The following CCDC187 variants were observed in gnomAD, a reference collection of about 807,000 sequenced individuals.
The protein encoded by CCDC187 is coiled-coil domain containing 187, also known as coiled-coil domain-containing protein 187.
In CCDC187, 32 loss-of-function variants were observed where a neutral mutation model predicts 38.0. The observed-to-expected ratio is 0.84, with a 90% CI of 0.64 to 1.13. CCDC187 has a LOEUF of 1.13. Ranked by LOEUF, CCDC187 falls within the 50% of genes most tolerant of loss-of-function variation. The probability of loss-of-function intolerance (pLI) is 0.00; values close to 1 mark genes in which losing one functional copy is unlikely to be tolerated. For synonymous variants in CCDC187, 333 were observed against 347.9 expected (o/e 0.96, Z 0.48); for missense variants, 707 against 786.8 (o/e 0.90, Z 1.21).
rs782223169 is a variant in CCDC187 at position 136,258,567 on chromosome 9, T to C, written c.4366+365A>G. 1.3e-5 allele frequency among the ~76,000 whole-genome samples: 2 copies of C among 151,838 alleles called. No individual in the cohort carries two copies. The highest frequency in any genetic ancestry group is 2.9e-5 in the Non-Finnish European group (2 of 67,974). On this transcript the variant is annotated intron_variant, in intron 22 of 25. Transcript: ENST00000638797. This position sits in a 1 kb window ranked among gnomAD's most constrained non-coding sequence, Gnocchi z 4.3. ...GGGGGGGCCCCGGCCAAGTGTAAGG[T>C]TCAGAAAGAGAAAAATGTAATCGGT...
Position 136,264,151 on chromosome 9 carries a change from C to G in CCDC187, c.3736-353G>C, listed in dbSNP as rs1266221819. On this transcript the variant is annotated intron_variant, in intron 17 of 25. Coordinates refer to ENST00000638797, the MANE Select transcript of CCDC187 (RefSeq NM_001378188.1). This position sits in a 1 kb window ranked among gnomAD's most constrained non-coding sequence, Gnocchi z 4.3. ...CTCCTTTACAACTGTTCTTTCTGTT[C>G]CCCACAGCGTCCCTGGTGGACGCAC... is the stretch of plus-strand genomic sequence containing the variant. 6.6e-6 allele frequency: 1 copy of G among 152,482 alleles called. No individual in the cohort carries two copies. Among genetic ancestry groups the G allele is most frequent in the Admixed American group, 6.5e-5 (1 of 15,292 alleles). 9.4% of individuals were successfully genotyped at this position (152,482 alleles called of 1,614,324 possible).
chr9:136,268,126 C>A lies in CCDC187; in HGVS notation c.3443-1G>T. 1.0e-6 allele frequency: 1 copy of A among 985,490 alleles called. No individual in the cohort carries two copies. The highest frequency in any genetic ancestry group is 4.7e-5 in the South Asian group (1 of 21,288). The allele number at this position is 985,490 out of a possible 1,614,324, so 61.0% of individuals were successfully genotyped here. On this transcript the variant is annotated splice_acceptor_variant, in intron 14 of 25. Transcript: ENST00000638797. LOFTEE classifies it high-confidence loss of function. ...AGGGCTCCGTCAGGGCCCTCCACCT[C>A]TGAGGAAGGAAGCGCCATGGTTGGG...
At chr9:136,277,840 G>A (rs1015161951) in intron 10 of CCDC187, among the ~76,000 whole-genome samples, 8 of 152,290 alleles carry the variant, frequency 5.3e-5, no homozygotes, top group Middle Eastern at 3.4e-3. Context: ...TGTATGGATG[G>A]AGCCAAGACC....
At chr9:136,291,927 C>A (rs2131310912) in intron 5 of CCDC187, among the ~76,000 whole-genome samples, 1 of 152,348 alleles carries the variant, frequency 6.6e-6, no homozygotes, top group Non-Finnish European at 1.5e-5. Context: ...GCCCCGGGAA[C>A]TGGCGATGGA....
rs1028554455 is a variant in CCDC187, at chr9:136,254,536, C to T, written c.5292G>A (p.Glu1764=). The T allele has an allele frequency of 8.1e-6, 8 of 985,496 alleles. No individual in the cohort carries two copies. The highest frequency in any genetic ancestry group is 8.4e-6 in the Non-Finnish European group (7 of 829,972). 61.0% of individuals were successfully genotyped at this position (985,496 alleles called of 1,614,324 possible). A position where few individuals can be genotyped will look rare whatever the true frequency, so the allele number is the denominator to read the frequency against. Residue 1764 remains glutamate, a synonymous_variant, in exon 26 of 26, where the codon GAG becomes GAA. Coordinates refer to ENST00000638797, the MANE Select transcript of CCDC187 (RefSeq NM_001378188.1). ...GTTCTGGCAGGTCCTCCTCGCAGTC[C>T]TCCTCCCAAACTTTGCTGGAGGCCT... ...LSEASSKVWE[E]DCEEDLPEPC... is the part of the protein sequence containing the mutation.
chr9:136,286,057 G>C (rs922975170), intron 8 of CCDC187, 28 bp downstream of exon 8: 3 of 398,116 alleles, frequency 7.5e-6, no homozygotes, highest in African/African-American at 6.2e-5. Context: ...GCCACCCAGC[G>C]GTCACCGTGT....
rs1831185433 is a variant in CCDC187, at chr9:136,286,514, C to G, written c.2404G>C (p.Asp802His). Residue 802 changes from aspartate (D) to histidine (H), a missense_variant, in exon 8 of 26, where the codon GAC (aspartate) becomes CAC (histidine). Coordinates refer to ENST00000638797, the MANE Select transcript of CCDC187 (RefSeq NM_001378188.1). ...YLPRGMCIYL[D>H]PKEAEHLGTS... The stretch of plus-strand genomic sequence containing the variant: ...CCCAGGTGCTCAGCCTCCTTTGGGT[C>G]CAGGTAGATGCACATCCCCCGGGGT... 2 of 398,766 alleles carry G rather than the reference C, an allele frequency of 5.0e-6. No individual in the cohort carries two copies. The highest frequency in any genetic ancestry group is 8.8e-6 in the Non-Finnish European group (2 of 226,156). The allele number at this position is 398,766 out of a possible 1,614,324, so 24.7% of individuals were successfully genotyped here.
chr9:136,279,802 C>T (rs891068609), intron 10 of CCDC187, among the ~76,000 whole-genome samples: 11 of 152,238 alleles, frequency 7.2e-5, no homozygotes, highest in African/African-American at 2.2e-4. Context: ...AGCCATGAGG[C>T]GGCAATTCAG....
intron 20 of CCDC187, among the ~76,000 whole-genome samples, chr9:136,259,749 G>A (rs1460876899): frequency 6.6e-6 from 1 of 152,204 alleles, no homozygotes; most frequent in Non-Finnish European, 1.5e-5. Flanking sequence ...CTGTGGGCCT[G>A]TGTTTCTGGG....
intron 10 of CCDC187, among the ~76,000 whole-genome samples, chr9:136,279,410 C>T (rs1361154106): frequency 6.6e-6 from 1 of 152,192 alleles, no homozygotes; most frequent in Non-Finnish European, 1.5e-5. Context: ...TGTTGCCTGT[C>T]CCCCTGGGGC....
chr9:136,263,870 G>A, intron 17 of CCDC187, 72 bp from the exon 18 acceptor site: 1 of 948,298 alleles, frequency 1.1e-6, no homozygotes, highest in Non-Finnish European at 1.3e-6. Flanking sequence ...CAAAAGGGAA[G>A]GGGTGTCTGG....
In CCDC187 at chr9:136,281,700, C is replaced by T. The variant is rs1033186940; in HGVS notation, c.2928-37G>A. On this transcript the variant is annotated intron_variant, in intron 9 of 25. Coordinates refer to ENST00000638797, the MANE Select transcript of CCDC187 (RefSeq NM_001378188.1). ...AGGCACACGTGTGGCAGGGCCAGGC[C>T]CGTGGAGGAGACAGGAGGCAGGGAG... 6.8e-4 allele frequency: 270 copies of T among 398,552 alleles called. 1 individual carries two copies. The highest frequency in any genetic ancestry group is 6.8e-4 in the Non-Finnish European group (153 of 226,156). The allele number at this position is 398,552 out of a possible 1,614,324, so 24.7% of individuals were successfully genotyped here.
chr9:136,291,775 C>T (rs999440608), intron 5 of CCDC187, 130 bp from the exon 6 acceptor site: 12 of 397,586 alleles, frequency 3.0e-5, no homozygotes, highest in Non-Finnish European at 4.4e-5. Flanking sequence ...TGGGCAGAAG[C>T]CCTCTGAGGG....
chr9:136,279,111 G>C (rs1169927387), intron 10 of CCDC187, among the ~76,000 whole-genome samples: 2 of 152,006 alleles, frequency 1.3e-5, no homozygotes, highest in Non-Finnish European at 2.9e-5. Context: ...TCCATTGACA[G>C]AGCTAGTCTA....
chr9:136,286,179 G>C lies in CCDC187; in HGVS notation c.2739C>G (p.Thr913=), dbSNP rs1239806035. 4 of 398,606 alleles carry C rather than the reference G, an allele frequency of 1.0e-5. No homozygotes were observed. Among genetic ancestry groups the C allele is most frequent in the Non-Finnish European group, 1.8e-5 (4 of 226,026 alleles). 24.7% of individuals were successfully genotyped at this position (398,606 alleles called of 1,614,324 possible). ...SMQPQPLLPP[T]YFLDGETLSW... Reference sequence around the variant, plus strand: ...ACAGTGTCTCGCCGTCCAGGAAGTAGGTCGGGGGCAGAAGGGGCTGGGGCT... The same window carrying C: ...ACAGTGTCTCGCCGTCCAGGAAGTACGTCGGGGGCAGAAGGGGCTGGGGCT... The change falls in exon 8 of 26, where the codon ACC becomes ACG. Residue 913 remains threonine, a synonymous_variant. Transcript: ENST00000638797.
chr9:136,303,887 GGT>G lies in CCDC187; in HGVS notation c.-59_-58del, dbSNP rs1831752570. The G allele has an allele frequency of 6.6e-6, 1 of 152,392 alleles. No homozygotes were observed. Among genetic ancestry groups the G allele is most frequent in the African/African-American group, 2.4e-5 (1 of 41,466 alleles). The allele number at this position is 152,392 out of a possible 1,614,324, so 9.4% of individuals were successfully genotyped here. ...GGTCAACCTGGCCCGCCCTGCCTGG[GGT>G]CGCTGCTGCCTTCACATGGCGGCTT... On this transcript the variant is annotated 5_prime_UTR_variant, in exon 1 of 26. Coordinates refer to ENST00000638797, the MANE Select transcript of CCDC187 (RefSeq NM_001378188.1).
intron 7 of CCDC187, among the ~76,000 whole-genome samples, chr9:136,287,391 G>T (rs1304338791): frequency 1.3e-5 from 2 of 152,072 alleles, no homozygotes; most frequent in Admixed American, 6.6e-5. Context: ...CTACCATCAG[G>T]CCTCCCACAT....
chr9:136,293,391 TCA>T lies in CCDC187; in HGVS notation c.833-1098_833-1097del, dbSNP rs1183011559. Among the ~76,000 whole-genome samples, 104 of 108,648 alleles carry T rather than the reference TCA, an allele frequency of 9.6e-4. 3 individuals carry two copies. In the East Asian group the frequency reaches 0.029, roughly 30 times the overall value. 71.3% of individuals were successfully genotyped at this position (108,648 alleles called of 152,430 possible). A position where few individuals can be genotyped will look rare whatever the true frequency, so the allele number is the denominator to read the frequency against. The stretch of plus-strand genomic sequence containing the variant: ...TGCTCACACACTCACACTCACATGC[TCA>T]CACACTCACAAACACTCACATGCTC... On this transcript the variant is annotated intron_variant, in intron 4 of 25. Transcript: ENST00000638797.
chr9:136,290,799 G>A lies in CCDC187; in HGVS notation c.1814C>T (p.Thr605Ile). 1 of 398,586 alleles carries A rather than the reference G, an allele frequency of 2.5e-6. No individual in the cohort carries two copies. Among genetic ancestry groups the A allele is most frequent in the East Asian group, 3.6e-5 (1 of 28,066 alleles). 24.7% of individuals were successfully genotyped at this position (398,586 alleles called of 1,614,324 possible). ...AAGTGGGTTCTGAGGGAAGCTCCCG[G>A]TGGGCCTTGGCAGGGCATGCTTGGC... ...SAAKHALPRP[T>I]GSFPQNPLGK... is the part of the protein sequence containing the mutation. Residue 605 changes from threonine to isoleucine, a missense_variant, in exon 6 of 26, where the codon ACC becomes ATC. Coordinates refer to ENST00000638797, the MANE Select transcript of CCDC187 (RefSeq NM_001378188.1).
Sources: allele counts gnomAD v4.1 joint callset (sites outside exome capture counted in the v4.1 genomes callset), GRCh38; gene constraint gnomAD v4.1.1; non-coding constraint Gnocchi (gnomAD v3.1); transcripts MANE v1.5; gene names NCBI Gene and HGNC (gene_info 2026-07-23, HGNC 2026-07-21).